Variants in GTF2I observed in about 807,000 individuals in gnomAD.
GTF2I encodes the protein general transcription factor II-I.
In GTF2I, 12 loss-of-function variants were observed where a neutral mutation model predicts 67.6. The observed-to-expected ratio is 0.18, with a 90% CI of 0.11 to 0.29. The LOEUF is 0.29. Among genes scored for constraint, GTF2I ranks in the 10% least tolerant of loss-of-function variants. GTF2I has a pLI of 1.00. For missense variants in GTF2I, 271 were observed against 580.1 expected (o/e 0.47, Z 5.47); for synonymous variants, 149 against 197.0 (o/e 0.76, Z 2.04).
intron 2 of GTF2I, among the ~76,000 whole-genome samples, chr7:74,690,551 G>T (rs587598811): frequency 1.3e-5 from 2 of 152,108 alleles, no homozygotes; most frequent in African/African-American, 4.8e-5. Context: ...TTGTACTGAG[G>T]GCACTAATTG....
At position 74,711,167 on chromosome 7, in the gene GTF2I, T is replaced by C. The variant is rs587602588; in HGVS notation, c.763+58T>C. 1.0e-4 allele frequency: 76 copies of C among 755,206 alleles called. No individual in the cohort carries two copies. The African/African-American group carries it at 1.1e-3, about 11-fold the overall frequency. 46.8% of individuals were successfully genotyped at this position (755,206 alleles called of 1,614,324 possible). ...AAATTATTCGTGGTTAAAATTAAAA[T>C]TTGCTCATCAATTGCTTTAATTTCT... On this transcript the variant is annotated intron_variant, in intron 9 of 34. Transcript: ENST00000573035.
chr7:74,711,583 G>GT (rs1791550171), intron 9 of GTF2I, among the ~76,000 whole-genome samples: 1 of 151,964 alleles, frequency 6.6e-6, no homozygotes, highest in Non-Finnish European at 1.5e-5. Context: ...GTGTCCCCTT[G>GT]TTATTCATTG....
chr7:74,682,400 G>A (rs1377158318), intron 1 of GTF2I, among the ~76,000 whole-genome samples: 1 of 152,214 alleles, frequency 6.6e-6, no homozygotes, highest in African/African-American at 2.4e-5. Flanking sequence ...ATTGACAGAA[G>A]TGAGAATTAC....
intron 1 of GTF2I, among the ~76,000 whole-genome samples, chr7:74,659,947 GC>G (rs1804322303): frequency 6.6e-6 from 1 of 152,184 alleles, no homozygotes; most frequent in African/African-American, 2.4e-5. Flanking sequence ...AAGTTAGTTT[GC>G]AAATGAGAAC....
intron 3 of GTF2I, among the ~76,000 whole-genome samples, chr7:74,693,847 C>A (rs587677476): frequency 2.0e-5 from 3 of 150,184 alleles, no homozygotes; most frequent in Non-Finnish European, 4.4e-5. Context: ...TCCGTCTCAA[C>A]GAAAAAAAAA....
intron 1 of GTF2I, among the ~76,000 whole-genome samples, chr7:74,678,538 G>T (rs1786905026): frequency 6.6e-6 from 1 of 152,002 alleles, no homozygotes. Flanking sequence ...TTGTGCAGAA[G>T]AAAATAAAAT....
chr7:74,690,564 C>T (rs1788187339), intron 2 of GTF2I, among the ~76,000 whole-genome samples: 1 of 152,094 alleles, frequency 6.6e-6, no homozygotes, highest in South Asian at 2.1e-4. Flanking sequence ...ACTAATTGCC[C>T]CAGGTGCCAT....
At chr7:74,677,167 T>G (rs1805975411) in intron 1 of GTF2I, among the ~76,000 whole-genome samples, 1 of 152,190 alleles carries the variant, frequency 6.6e-6, no homozygotes, top group African/African-American at 2.4e-5. Context: ...TACATGATAA[T>G]CTAAACTAGT....
intron 1 of GTF2I, among the ~76,000 whole-genome samples, chr7:74,671,815 C>G (rs1197920370): frequency 6.6e-6 from 1 of 151,840 alleles, no homozygotes; most frequent in Admixed American, 6.6e-5. Flanking sequence ...GACCCTGTCT[C>G]TACCAAAAAA....
At chr7:74,669,087 A>G (rs1469009406) in intron 1 of GTF2I, among the ~76,000 whole-genome samples, 1 of 152,010 alleles carries the variant, frequency 6.6e-6, no homozygotes, top group Non-Finnish European at 1.5e-5. Context: ...CATTTATTCA[A>G]CATACTGATG....
chr7:74,700,729 A>C, intron 6 of GTF2I, 95 bp downstream of exon 6: 1 of 1,188,288 alleles, frequency 8.4e-7, no homozygotes, highest in Middle Eastern at 2.0e-4. Context: ...GTCTTTGAGA[A>C]TATGATGTCA....
chr7:74,700,376 C>G lies in GTF2I; in HGVS notation c.503C>G (p.Ala168Gly). 6.2e-7 allele frequency: 1 copy of G among 1,614,134 alleles called. No homozygotes were observed. Among genetic ancestry groups the G allele is most frequent in the African/African-American group, 1.3e-5 (1 of 75,038 alleles). Residue 168 changes from alanine to glycine, a missense_variant, in exon 5 of 35, where the codon GCA becomes GGA. By Grantham distance (60) the Ala-to-Gly change is moderately conservative. This residue lies in a region of GTF2I where 38 missense variants were observed against 87.8 expected (regional missense o/e 0.43). Transcript: ENST00000573035. ...AAACACCCCGAGAACTATGATCTTG[C>G]AACCCTGAAATGGATTTTGGAGAAC... The part of the protein sequence containing the change: ...AFKHPENYDL[A>G]TLKWILENKA...
intron 18 of GTF2I, among the ~76,000 whole-genome samples, chr7:74,737,495 CG>C (rs1794901126): frequency 2.2e-5 from 3 of 138,362 alleles, no homozygotes; most frequent in Non-Finnish European, 4.8e-5. Context: ...GAGGCAGTCA[CG>C]AAGTGGTCTC....
intron 9 of GTF2I, among the ~76,000 whole-genome samples, chr7:74,714,391 G>A (rs1791995116): frequency 6.6e-6 from 1 of 152,056 alleles, no homozygotes; most frequent in African/African-American, 2.4e-5. Flanking sequence ...CGTTATTTTA[G>A]AGATTCTAAG....
chr7:74,710,517 A>G (rs782310692), intron 8 of GTF2I, among the ~76,000 whole-genome samples: 25 of 152,178 alleles, frequency 1.6e-4, no homozygotes, highest in Non-Finnish European at 3.2e-4. Context: ...GCTTCAAATC[A>G]TCTGTCCTAA....
At position 74,691,038 on chromosome 7, in the gene GTF2I, T is replaced by A. The variant is rs979904437; in HGVS notation, c.165T>A (p.Phe55Leu). 1.2e-6 allele frequency: 2 copies of A among 1,613,516 alleles called. No homozygotes were observed. The highest frequency in any genetic ancestry group is 4.5e-5 in the East Asian group (2 of 44,888). Residue 55 changes from phenylalanine (F) to leucine (L), a missense_variant, in exon 3 of 35, where the codon TTT becomes TTA. Phe to Leu is a conservative substitution (Grantham distance 22). Coordinates refer to ENST00000573035, the MANE Select transcript of GTF2I (RefSeq NM_032999.4). ...ACIAVYETDV[F>L]VVGTERGRAF... The stretch of plus-strand genomic sequence containing the variant: ...TTGCAGTGTATGAAACAGACGTGTT[T>A]GTCGTCGGAACTGAAAGAGGACGTG...
intron 12 of GTF2I, among the ~76,000 whole-genome samples, chr7:74,724,625 CA>C (rs2131478817): frequency 6.6e-6 from 1 of 152,258 alleles, no homozygotes; most frequent in Non-Finnish European, 1.5e-5. Flanking sequence ...GCACCTTTTG[CA>C]TATTAAAATA....
intron 8 of GTF2I, among the ~76,000 whole-genome samples, chr7:74,707,290 T>C (rs1219507113): frequency 6.6e-6 from 1 of 152,238 alleles, no homozygotes; most frequent in African/African-American, 2.4e-5. Flanking sequence ...GTGCCCCTTA[T>C]TCACACGGGA....
At chr7:74,691,190 T>G in intron 3 of GTF2I, 79 bp downstream of exon 3, 1 of 995,982 alleles carries the variant, frequency 1.0e-6, no homozygotes, top group Admixed American at 2.9e-5. Flanking sequence ...TTATATTATT[T>G]TCTTTCTTTC....
Sources: allele counts gnomAD v4.1 joint callset (sites outside exome capture counted in the v4.1 genomes callset), GRCh38; gene constraint gnomAD v4.1.1; regional missense constraint gnomAD v4.1.1; transcripts MANE v1.5; gene names NCBI Gene and HGNC (gene_info 2026-07-23, HGNC 2026-07-21).